The following UNC93A variants were observed in gnomAD, a reference collection of about 807,000 sequenced individuals.
UNC93A encodes unc-93 homolog A, also known as N-acetylglucosamine transporter UNC93A.
UNC93A carries 43 observed loss-of-function variants against 47.5 expected under a neutral mutation model. That is an observed-to-expected ratio of 0.91 (90% CI 0.71 to 1.17). The LOEUF (loss-of-function observed/expected upper bound fraction) is 1.17. Ranked by LOEUF, UNC93A falls within the 50% of genes most tolerant of loss-of-function variation. UNC93A has a pLI of 0.00. For missense variants in UNC93A, 605 were observed against 577.6 expected (o/e 1.05, Z -0.49); for synonymous variants, 280 against 258.0 (o/e 1.09, Z -0.82).
At chr6:167,271,840 T>C (rs1308001405) in intron 1 of UNC93A, among the ~76,000 whole-genome samples, 1 of 151,868 alleles carries the variant, frequency 6.6e-6, no homozygotes. Context: ...TTTAGAGGAG[T>C]GACAAGACAA....
intron 1 of UNC93A, among the ~76,000 whole-genome samples, chr6:167,278,645 TC>T (rs1194622193): frequency 2.0e-5 from 3 of 152,126 alleles, no homozygotes; most frequent in Non-Finnish European, 4.4e-5. Flanking sequence ...TTAGACAAGT[TC>T]CCCTGAAACT....
chr6:167,296,321 G>A (rs916848164), intron 3 of UNC93A, 60 bp downstream of exon 3: 1 of 1,564,082 alleles, frequency 6.4e-7, no homozygotes, highest in African/African-American at 1.4e-5. Context: ...AGTGATGGGG[G>A]AGAGGGTTCC....
intron 6 of UNC93A, among the ~76,000 whole-genome samples, chr6:167,307,092 G>A (rs907282867): frequency 5.9e-5 from 9 of 152,234 alleles, no homozygotes; most frequent in African/African-American, 1.9e-4. Context: ...CTGGCTACTC[G>A]GAAAGGTGCT....
rs561874526 is a variant in UNC93A at position 167,314,132 on chromosome 6, C to T, written c.1109-1055C>T. On this transcript the variant is annotated intron_variant, in intron 7 of 7. Transcript: ENST00000230256. Reference sequence around the variant, plus strand: ...TTGTTTCGTATAAAACTCATTAACACATTTAGTGCTGGGCCTCCCCACACA... The same window carrying T: ...TTGTTTCGTATAAAACTCATTAACATATTTAGTGCTGGGCCTCCCCACACA... Among the ~76,000 whole-genome samples the T allele has an allele frequency of 4.6e-3, 707 of 152,280 alleles. 1 individual carries two copies. The highest frequency in any genetic ancestry group is 7.5e-3 in the Non-Finnish European group (511 of 68,022).
chr6:167,308,610 T>C (rs1778469008), intron 7 of UNC93A, among the ~76,000 whole-genome samples: 1 of 149,632 alleles, frequency 6.7e-6, no homozygotes, highest in Non-Finnish European at 1.5e-5. Context: ...TCCAAGGCCT[T>C]GCTGGGGCTG....
chr6:167,282,872 G>A (rs118143828), intron 1 of UNC93A, among the ~76,000 whole-genome samples: 4,821 of 152,214 alleles, frequency 0.032, 113 homozygotes, highest in Non-Finnish European at 0.05. Context: ...AGGGGCTTCC[G>A]GGTCAGAGGT....
At chr6:167,287,796 C>T (rs1038904979), upstream of UNC93A, among the ~76,000 whole-genome samples, 1 of 152,116 alleles carries the variant, frequency 6.6e-6, no homozygotes, top group Non-Finnish European at 1.5e-5. Context: ...CCAGGACCTA[C>T]ACGATCCCCC....
chr6:167,291,579 A>G lies in UNC93A; in HGVS notation c.87+3A>G, dbSNP rs781103157. On this transcript the variant is annotated splice_donor_region_variant and intron_variant, in intron 1 of 7. Coordinates refer to ENST00000230256, the MANE Select transcript of UNC93A (RefSeq NM_018974.4). ...ATGGAGGTCTGCAGAGCCTGCAGGTATGTGTGTCCGGTCATCAAATTACCT... is the reference window on the plus strand; with the variant it reads ...ATGGAGGTCTGCAGAGCCTGCAGGTGTGTGTGTCCGGTCATCAAATTACCT... 10 of 1,608,374 alleles carry G rather than the reference A, an allele frequency of 6.2e-6. No homozygotes were observed. The highest frequency in any genetic ancestry group is 1.3e-5 in the African/African-American group (1 of 74,628).
At chr6:167,289,091 C>T (rs1399216329), upstream of UNC93A, among the ~76,000 whole-genome samples, 2 of 152,296 alleles carry the variant, frequency 1.3e-5, no homozygotes, top group South Asian at 2.1e-4. Flanking sequence ...GGCCATGGCT[C>T]CAGTGCACAC....
chr6:167,280,621 A>T (rs540402892), intron 1 of UNC93A, among the ~76,000 whole-genome samples: 3 of 152,328 alleles, frequency 2.0e-5, no homozygotes, highest in African/African-American at 4.8e-5. Context: ...AGTCTAGGTC[A>T]GCTGGAGTGG....
chr6:167,295,516 G>A lies in UNC93A; in HGVS notation c.270-516G>A, dbSNP rs575413325. Among the ~76,000 whole-genome samples, 17 of 92,696 alleles carry A rather than the reference G, an allele frequency of 1.8e-4. 1 individual carries two copies. Among genetic ancestry groups the A allele is most frequent in the Admixed American group, 1.0e-3 (10 of 9,930 alleles). The allele number at this position is 92,696 out of a possible 152,430, so 60.8% of individuals were successfully genotyped here. A position where few individuals can be genotyped will look rare whatever the true frequency, so the allele number is the denominator to read the frequency against. On this transcript the variant is annotated intron_variant, in intron 2 of 7. Transcript: ENST00000230256. The stretch of plus-strand genomic sequence containing the variant: ...CTCCCTCGTGATCCTCGCCTGCCTC[G>A]TGCTCCTCGCCTGCCTCGTGCTCCT...
Position 167,303,905 on chromosome 6 carries a change from C to G in UNC93A, c.626-14C>G. 1 of 1,613,656 alleles carries G rather than the reference C, an allele frequency of 6.2e-7. No homozygotes were observed. Among genetic ancestry groups the G allele is most frequent in the South Asian group, 1.1e-5 (1 of 91,036 alleles). On this transcript the variant is annotated splice_polypyrimidine_tract_variant and intron_variant, in intron 4 of 7. Transcript: ENST00000230256. ...GCCCCCATGAAAGCTGAAGCCTTTG[C>G]TATGTCCTTTCAGGGAGTGGTGTCC...
intron 4 of UNC93A, among the ~76,000 whole-genome samples, chr6:167,301,495 GGTTTCTGAGCATTGCATTCATAGTCAA>G (rs1203344063): frequency 6.6e-6 from 1 of 152,140 alleles, no homozygotes; most frequent in African/African-American, 2.4e-5. Context: ...AACTTTCCTG[GGTTTCTGAGCATTGCATTCATAGTCAA>G]GTTTCTTGCA....
chr6:167,282,538 G>A (rs1159190520), intron 1 of UNC93A, among the ~76,000 whole-genome samples: 1 of 152,110 alleles, frequency 6.6e-6, no homozygotes, highest in Non-Finnish European at 1.5e-5. Flanking sequence ...ATGTTGACAA[G>A]TTCATTGTCA....
intron 7 of UNC93A, among the ~76,000 whole-genome samples, chr6:167,312,023 T>C (rs1160160547): frequency 1.3e-5 from 2 of 151,556 alleles, no homozygotes; most frequent in African/African-American, 4.9e-5. Flanking sequence ...CTGGATTCCC[T>C]GTTGGACTCA....
intron 7 of UNC93A, among the ~76,000 whole-genome samples, chr6:167,311,238 T>C (rs1778547669): frequency 6.6e-6 from 1 of 152,222 alleles, no homozygotes; most frequent in African/African-American, 2.4e-5. Context: ...ATGCACTTTG[T>C]CCTCACCTTT....
chr6:167,294,632 A>G lies in UNC93A; in HGVS notation c.203A>G (p.Lys68Arg). 6.2e-7 allele frequency: 1 copy of G among 1,613,412 alleles called. No individual in the cohort carries two copies. The highest frequency in any genetic ancestry group is 2.2e-5 in the East Asian group (1 of 44,850). Residue 68 changes from lysine (K) to arginine (R), a missense_variant, in exon 2 of 8, where the codon AAG (lysine) becomes AGG (arginine). Coordinates refer to ENST00000230256, the MANE Select transcript of UNC93A (RefSeq NM_018974.4). Reference protein sequence around the residue: ...PPLLIERLGCKGTIILSMCGY... With the variant: ...PPLLIERLGCRGTIILSMCGY... ...CTCCTCATCGAGAGGCTGGGCTGCA[A>G]GGGGACCATCATCCTCTCCATGTGT...
At chr6:167,308,429 G>A (rs1223586819) in intron 7 of UNC93A, among the ~76,000 whole-genome samples, 1 of 152,140 alleles carries the variant, frequency 6.6e-6, no homozygotes, top group Non-Finnish European at 1.5e-5. Context: ...GGCATCCTGG[G>A]CAGTGGTGGG....
intron 6 of UNC93A, 142 bp downstream of exon 6, chr6:167,306,192 T>G: frequency 8.4e-7 from 1 of 1,188,062 alleles, no homozygotes. Flanking sequence ...GCATTCATTC[T>G]TTCAGTCCTT....
Sources: allele counts gnomAD v4.1 joint callset (sites outside exome capture counted in the v4.1 genomes callset), GRCh38; gene constraint gnomAD v4.1.1; transcripts MANE v1.5; gene names NCBI Gene and HGNC (gene_info 2026-07-23, HGNC 2026-07-21).